GNAI1: variants seen among roughly 807,000 people sequenced by gnomAD.
GNAI1 encodes the protein G protein subunit alpha i1.
GNAI1 carries 11 observed loss-of-function variants against 38.9 expected under a neutral mutation model. The observed-to-expected ratio is 0.28, with a 90% CI of 0.18 to 0.47. The LOEUF (loss-of-function observed/expected upper bound fraction) is 0.47. Among genes scored for constraint, GNAI1 ranks in the 20% least tolerant of loss-of-function variants. The probability of loss-of-function intolerance (pLI) is 0.99; values close to 1 mark genes in which losing one functional copy is unlikely to be tolerated. For synonymous variants in GNAI1, 166 were observed against 145.1 expected (o/e 1.14, Z -1.04); for missense variants, 317 against 436.9 (o/e 0.73, Z 2.45).
chr7:80,199,410 C>T, intron 4 of GNAI1, 28 bp downstream of exon 4: 22 of 1,522,814 alleles, frequency 1.4e-5, no homozygotes, highest in Non-Finnish European at 2.0e-5. Context: ...CAGAACTAAA[C>T]TATCATGAAT....
At chr7:80,158,328 C>T (rs541767051) in intron 1 of GNAI1, among the ~76,000 whole-genome samples, 3 of 152,266 alleles carry the variant, frequency 2.0e-5, no homozygotes, top group South Asian at 4.1e-4. Flanking sequence ...TAATATTTAG[C>T]AGTGTTTCCA....
intron 3 of GNAI1, among the ~76,000 whole-genome samples, chr7:80,190,824 AAC>A (rs1788467978): frequency 6.6e-6 from 1 of 152,152 alleles, no homozygotes. Flanking sequence ...GGTCAATACA[AAC>A]AGTTTTTCAT....
At chr7:80,164,431 C>T (rs143413632) in intron 1 of GNAI1, among the ~76,000 whole-genome samples, 1,609 of 150,006 alleles carry the variant, frequency 0.011, 36 homozygotes, top group African/African-American at 0.038. Flanking sequence ...GGTGTAATCT[C>T]GGCTCACTGC....
At position 80,177,220 on chromosome 7, in the gene GNAI1, C is replaced by T. The variant is rs577524940; in HGVS notation, c.119-11731C>T. ...TAACTTTTTGTATTTTTAGTAGAGA[C>T]GGGGTTTCACCGTGTTAGCCAGGAT... is the stretch of plus-strand genomic sequence containing the variant. On this transcript the variant is annotated intron_variant, in intron 1 of 7. Coordinates refer to ENST00000649796, the MANE Select transcript of GNAI1 (RefSeq NM_002069.6). Among the ~76,000 whole-genome samples, 14 of 151,642 alleles carry T rather than the reference C, an allele frequency of 9.2e-5. No homozygotes were observed. The East Asian group carries it at 2.2e-3, about 24-fold the overall frequency.
At chr7:80,160,266 C>T (rs1787901483) in intron 1 of GNAI1, among the ~76,000 whole-genome samples, 1 of 151,782 alleles carries the variant, frequency 6.6e-6, no homozygotes. Flanking sequence ...ACAAAACATT[C>T]CATGGAGCCC....
intron 1 of GNAI1, among the ~76,000 whole-genome samples, chr7:80,150,011 A>T (rs565465751): frequency 6.6e-6 from 1 of 152,200 alleles, no homozygotes; most frequent in East Asian, 1.9e-4. Flanking sequence ...GTTTTCATGG[A>T]AGTGCAGATT....
chr7:80,150,703 T>C (rs1787709203), intron 1 of GNAI1, among the ~76,000 whole-genome samples: 1 of 152,216 alleles, frequency 6.6e-6, no homozygotes, highest in African/African-American at 2.4e-5. Context: ...TAGATATTTT[T>C]ATGTGACTGA....
At chr7:80,204,580 T>A (rs2115686233) in intron 5 of GNAI1, among the ~76,000 whole-genome samples, 1 of 152,292 alleles carries the variant, frequency 6.6e-6, no homozygotes, top group Non-Finnish European at 1.5e-5. Context: ...CGAAATATAA[T>A]GTTTTCATTT....
intron 5 of GNAI1, among the ~76,000 whole-genome samples, chr7:80,205,684 C>G (rs1562843005): frequency 6.6e-6 from 1 of 151,980 alleles, no homozygotes; most frequent in African/African-American, 2.4e-5. Flanking sequence ...TTTTACCCAA[C>G]TCCATCCCCA....
Position 80,194,313 on chromosome 7 carries a change from C to T in GNAI1, c.304-4912C>T, listed in dbSNP as rs116938337. ...GTGGCTTGTGCACTTTATTCATTTACCACTTGGAATCTTGGTGTTTTGATG... is the reference window on the plus strand; with the variant it reads ...GTGGCTTGTGCACTTTATTCATTTATCACTTGGAATCTTGGTGTTTTGATG... On this transcript the variant is annotated intron_variant, in intron 3 of 7. Coordinates refer to ENST00000649796, the MANE Select transcript of GNAI1 (RefSeq NM_002069.6). Among the ~76,000 whole-genome samples, 307 of 152,100 alleles carry T rather than the reference C, an allele frequency of 2.0e-3. 10 individuals are homozygous for T. The East Asian group carries it at 0.049, about 24-fold the overall frequency.
Position 80,224,823 on chromosome 7 carries a change from T to G in GNAI1, c.*7330T>G, listed in dbSNP as rs868509923. On this transcript the variant is annotated 3_prime_UTR_variant, in exon 8 of 8. Coordinates refer to ENST00000649796, the MANE Select transcript of GNAI1 (RefSeq NM_002069.6). ...GTTCAGATACACAGAATTTAAAAAT[T>G]ACATGTTGAACTGATTTGTGATATA... Among the ~76,000 whole-genome samples, 1 of 152,334 alleles carries G rather than the reference T, an allele frequency of 6.6e-6. No individual in the cohort carries two copies. The highest frequency in any genetic ancestry group is 2.1e-4 in the South Asian group (1 of 4,822).
intron 4 of GNAI1, among the ~76,000 whole-genome samples, chr7:80,203,307 TAA>T (rs1366537513): frequency 6.6e-6 from 1 of 151,990 alleles, no homozygotes; most frequent in Non-Finnish European, 1.5e-5. Flanking sequence ...AAATCTTCAG[TAA>T]AAAAAGAATG....
Position 80,221,626 on chromosome 7 carries a change from T to C in GNAI1, c.*4133T>C, listed in dbSNP as rs1789075848. On this transcript the variant is annotated 3_prime_UTR_variant, in exon 8 of 8. Transcript: ENST00000649796. ...GAGAGTTTATATTTTAATGTTAGGT[T>C]GGAAATTTTCTTTTTTTTTTTTTTT... Among the ~76,000 whole-genome samples, 1 of 109,436 alleles carries C rather than the reference T, an allele frequency of 9.1e-6. No individual in the cohort carries two copies. Among genetic ancestry groups the C allele is most frequent in the African/African-American group, 4.2e-5 (1 of 23,760 alleles). The allele number at this position is 109,436 out of a possible 152,430, so 71.8% of individuals were successfully genotyped here. A position where few individuals can be genotyped will look rare whatever the true frequency, so the allele number is the denominator to read the frequency against.
rs1789152142 is a variant in GNAI1 at position 80,226,023 on chromosome 7, G to A, written c.*8530G>A. ...TTGTCCAGACACATATTTTAGAAAA[G>A]TATGTTATTTTTGTTTTAAGTTTGG... On this transcript the variant is annotated 3_prime_UTR_variant, in exon 8 of 8. Coordinates refer to ENST00000649796, the MANE Select transcript of GNAI1 (RefSeq NM_002069.6). 6.6e-6 allele frequency among the ~76,000 whole-genome samples: 1 copy of A among 151,982 alleles called. No individual in the cohort carries two copies. The highest frequency in any genetic ancestry group is 1.9e-4 in the East Asian group (1 of 5,182).
intron 1 of GNAI1, among the ~76,000 whole-genome samples, chr7:80,137,901 A>G (rs1050212151): frequency 3.3e-5 from 5 of 152,210 alleles, no homozygotes; most frequent in Non-Finnish European, 5.9e-5. Context: ...AATTCTTGGA[A>G]TGTTCGAAAA....
chr7:80,194,178 C>A (rs926853685), intron 3 of GNAI1, among the ~76,000 whole-genome samples: 10 of 152,102 alleles, frequency 6.6e-5, no homozygotes, highest in African/African-American at 2.2e-4. Flanking sequence ...TTTAAAAAAT[C>A]TTTGCTAATT....
chr7:80,166,033 A>G (rs570108109), intron 1 of GNAI1, among the ~76,000 whole-genome samples: 7 of 152,274 alleles, frequency 4.6e-5, no homozygotes, highest in African/African-American at 1.4e-4. Flanking sequence ...CAGTTTTACC[A>G]TTTATAGTCT....
intron 7 of GNAI1, 59 bp from the exon 8 acceptor site, chr7:80,217,244 T>TTTCAGATGTATGAAACTGAATGC: frequency 9.1e-7 from 1 of 1,093,800 alleles, no homozygotes; most frequent in Non-Finnish European, 1.3e-6. Flanking sequence ...CTGAATTCAG[T>TTTCAGATGTATGAAACTGAATGC]ATTTTAAGCA....
chr7:80,217,500 C>T lies in GNAI1; in HGVS notation c.*7C>T. ...AGATTGTGGTCTCTTTTAAGTTTTG[C>T]AGTTCATGGTAAAATGCATTTTCAA... On this transcript the variant is annotated 3_prime_UTR_variant, in exon 8 of 8. Transcript: ENST00000649796. 1 of 1,556,890 alleles carries T rather than the reference C, an allele frequency of 6.4e-7. No homozygotes were observed.
Sources: allele counts gnomAD v4.1 joint callset (sites outside exome capture counted in the v4.1 genomes callset), GRCh38; gene constraint gnomAD v4.1.1; transcripts MANE v1.5; gene names NCBI Gene and HGNC (gene_info 2026-07-23, HGNC 2026-07-21).